Variants in SGCD observed in about 807,000 individuals in gnomAD.
The protein encoded by SGCD is sarcoglycan delta, also known as delta-sarcoglycan.
SGCD carries 18 observed loss-of-function variants against 36.6 expected under a neutral mutation model. The ratio of observed to expected loss-of-function variants is 0.49; its 90% confidence interval spans 0.34 to 0.73. The LOEUF is 0.73. Ranked by LOEUF, SGCD falls within the 30% of genes least tolerant of loss-of-function variation. The pLI is 0.01. For synonymous variants in SGCD, 133 were observed against 130.6 expected (o/e 1.02, Z -0.12); for missense variants, 387 against 346.7 (o/e 1.12, Z -0.92).
At chr5:156,300,121 T>G (rs1482248726) in intron 3 of SGCD, among the ~76,000 whole-genome samples, 1 of 152,166 alleles carries the variant, frequency 6.6e-6, no homozygotes, top group Admixed American at 6.5e-5. Context: ...CCCCAGGTTT[T>G]TTAGAATTTT....
At chr5:155,944,661 A>G (rs1757400921) in intron 1 of SGCD, among the ~76,000 whole-genome samples, 1 of 152,204 alleles carries the variant, frequency 6.6e-6, no homozygotes, top group Admixed American at 6.5e-5. Flanking sequence ...TGCTGCGATA[A>G]GAACATACAC....
chr5:156,493,030 G>A (rs1454502546), intron 3 of SGCD, among the ~76,000 whole-genome samples: 1 of 152,028 alleles, frequency 6.6e-6, no homozygotes, highest in South Asian at 2.1e-4. Context: ...ATATACATGT[G>A]CACGTGTCTT....
At chr5:156,731,701 G>A (rs1300393507) in intron 7 of SGCD, among the ~76,000 whole-genome samples, 2 of 151,088 alleles carry the variant, frequency 1.3e-5, no homozygotes, top group Admixed American at 6.6e-5. Flanking sequence ...AGTTCTCTAG[G>A]TCTGTGAAGA....
At chr5:156,050,262 C>G (rs931869460) in intron 1 of SGCD, among the ~76,000 whole-genome samples, 1 of 146,562 alleles carries the variant, frequency 6.8e-6, no homozygotes, top group African/African-American at 2.5e-5. Context: ...CAGCAACCAT[C>G]ACCCTGATCA....
intron 3 of SGCD, among the ~76,000 whole-genome samples, chr5:156,302,062 G>A (rs368991841): frequency 6.6e-6 from 1 of 152,166 alleles, no homozygotes; most frequent in South Asian, 2.1e-4. Context: ...CCTAGGTTTG[G>A]AACATTCTGT....
intron 7 of SGCD, among the ~76,000 whole-genome samples, chr5:156,720,585 A>G (rs1261539696): frequency 6.6e-6 from 1 of 152,170 alleles, no homozygotes; most frequent in African/African-American, 2.4e-5. Context: ...GATGATGTAA[A>G]GACTGGACCT....
intron 3 of SGCD, among the ~76,000 whole-genome samples, chr5:156,347,052 C>T (rs559224265): frequency 6.6e-6 from 1 of 152,268 alleles, no homozygotes; most frequent in South Asian, 2.1e-4. Flanking sequence ...CCATCTCGGC[C>T]TCCCAAAGTG....
At chr5:155,810,869 GT>G in the SGCD span, among the ~76,000 whole-genome samples, 1 of 119,004 alleles carries the variant, frequency 8.4e-6, no homozygotes, top group African/African-American at 3.5e-5. Context: ...CCAGGCTGGA[GT>G]GCAGTGGCGG....
intron 7 of SGCD, among the ~76,000 whole-genome samples, chr5:156,735,719 C>T (rs975513269): frequency 2.0e-5 from 3 of 152,154 alleles, no homozygotes; most frequent in African/African-American, 7.2e-5. Flanking sequence ...GCCATAAAAG[C>T]AGGGCCCGCA....
chr5:156,671,017 A>T lies in SGCD; in HGVS notation c.575+23481A>T, dbSNP rs538174450. Among the ~76,000 whole-genome samples the T allele has an allele frequency of 5.3e-5, 8 of 151,598 alleles. No homozygotes were observed. The East Asian group carries it at 1.6e-3, about 29-fold the overall frequency. ...CTATTTTCCATTCCTTCCACTAAGCATGTAATTCCTGCTGTCATATTTTAA... is the reference window on the plus strand; with the variant it reads ...CTATTTTCCATTCCTTCCACTAAGCTTGTAATTCCTGCTGTCATATTTTAA... On this transcript the variant is annotated intron_variant, in intron 7 of 8. Coordinates refer to ENST00000337851, the MANE Select transcript of SGCD (RefSeq NM_000337.6).
chr5:156,628,945 C>A (rs1046296431), intron 6 of SGCD, among the ~76,000 whole-genome samples: 3 of 152,118 alleles, frequency 2.0e-5, no homozygotes, highest in Non-Finnish European at 4.4e-5. Flanking sequence ...ACACTGCATT[C>A]CTAGATAGTC....
intron 3 of SGCD, among the ~76,000 whole-genome samples, chr5:156,186,399 C>T (rs1029848735): frequency 1.3e-5 from 2 of 152,132 alleles, no homozygotes; most frequent in East Asian, 1.9e-4. Context: ...CCAAATCATC[C>T]TTCATCCCTA....
chr5:155,850,267 C>G, the SGCD span, among the ~76,000 whole-genome samples: 2 of 152,166 alleles, frequency 1.3e-5, no homozygotes, highest in Admixed American at 6.5e-5. Flanking sequence ...GCAGACAGCT[C>G]TTTTATCCAA....
chr5:156,578,712 A>T (rs533442085), intron 4 of SGCD, among the ~76,000 whole-genome samples: 1 of 152,164 alleles, frequency 6.6e-6, no homozygotes, highest in African/African-American at 2.4e-5. Flanking sequence ...AGAAGTGTTT[A>T]TAGTATTCTC....
intron 3 of SGCD, among the ~76,000 whole-genome samples, chr5:156,213,597 T>A (rs1462695260): frequency 6.6e-6 from 1 of 152,056 alleles, no homozygotes; most frequent in Admixed American, 6.5e-5. Context: ...GAAGAAGGGC[T>A]ACTTTCAAAC....
chr5:156,467,658 T>A (rs752249474), intron 3 of SGCD, among the ~76,000 whole-genome samples: 1 of 152,244 alleles, frequency 6.6e-6, no homozygotes, highest in Non-Finnish European at 1.5e-5. Context: ...GTGATTTCTT[T>A]GGCAGATCAA....
chr5:156,398,163 T>C (rs570872505), intron 3 of SGCD, among the ~76,000 whole-genome samples: 1 of 152,316 alleles, frequency 6.6e-6, no homozygotes, highest in East Asian at 1.9e-4. Flanking sequence ...GACCTGACAG[T>C]CTGAAGTGAT....
At chr5:156,399,212 G>A (rs79043398) in intron 3 of SGCD, among the ~76,000 whole-genome samples, 1,676 of 152,188 alleles carry the variant, frequency 0.011, 12 homozygotes, top group Non-Finnish European at 0.018. Flanking sequence ...TAGAGTTTGG[G>A]AATTTGTCAG....
intron 3 of SGCD, among the ~76,000 whole-genome samples, chr5:156,147,344 T>A (rs73811417): frequency 0.054 from 8,155 of 152,172 alleles, 509 homozygotes; most frequent in African/African-American, 0.15. Context: ...CATGGAAAGG[T>A]TACATTTTAT....
Sources: gnomAD v4.1 joint callset for allele counts (sites outside exome capture counted in the v4.1 genomes callset) on GRCh38, gnomAD v4.1.1 for gene constraint, MANE v1.5 for transcripts, NCBI Gene and HGNC (gene_info 2026-07-23, HGNC 2026-07-21) for gene names.